The following MTMR8 variants were observed in gnomAD, a reference collection of about 807,000 sequenced individuals.
The protein encoded by MTMR8 is phosphatidylinositol-3,5-bisphosphate 3-phosphatase MTMR8.
MTMR8 carries 65 observed loss-of-function variants against 39.3 expected under a neutral mutation model. That is an observed-to-expected ratio of 1.65 (90% confidence interval 1.35 to 2.03). The LOEUF (loss-of-function observed/expected upper bound fraction) is 2.03, where lower values mean the gene tolerates loss of function less well. MTMR8 is among the 30% of genes most tolerant of loss of function. The probability of loss-of-function intolerance (pLI) is 0.00; values close to 1 mark genes in which losing one functional copy is unlikely to be tolerated. For synonymous variants in MTMR8, 245 were observed against 185.2 expected, an observed-to-expected ratio of 1.32 and a Z score of -2.62; for missense variants, 777 against 538.9, an observed-to-expected ratio of 1.44 and a Z score of -4.37.
At chrX:64,389,984 G>A (rs1324982839) in intron 1 of MTMR8, among the ~76,000 whole-genome samples, 1 of 111,992 alleles carries the variant, frequency 8.9e-6, no homozygotes, top group Non-Finnish European at 1.9e-5. Flanking sequence ...TGGAAGGGGA[G>A]CACAATTCTC....
intron 1 of MTMR8, among the ~76,000 whole-genome samples, chrX:64,361,014 A>G (rs1213816672): frequency 8.9e-6 from 1 of 111,800 alleles, no homozygotes; most frequent in East Asian, 2.8e-4. Context: ...ATTATTTCAA[A>G]AGGTTAATAG....
At chrX:64,383,328 A>G (rs1197321216) in intron 1 of MTMR8, among the ~76,000 whole-genome samples, 1 of 109,904 alleles carries the variant, frequency 9.1e-6, no homozygotes, top group African/African-American at 3.3e-5. Flanking sequence ...ATAGCTACAG[A>G]TATATTTTAA....
intron 6 of MTMR8, among the ~76,000 whole-genome samples, chrX:64,345,617 T>G (rs888738701): frequency 9.0e-5 from 10 of 111,376 alleles, no homozygotes; most frequent in Non-Finnish European, 1.7e-4. Flanking sequence ...TTAATTTTAT[T>G]TATTTATTTA....
intron 12 of MTMR8, among the ~76,000 whole-genome samples, chrX:64,287,546 C>T (rs999349271): frequency 5.9e-4 from 66 of 111,109 alleles, no homozygotes; most frequent in Middle Eastern, 4.7e-3. Context: ...GGAGGCATCA[C>T]GCTACCTGAC....
At chrX:64,353,319 G>A (rs751896959) in intron 4 of MTMR8, among the ~76,000 whole-genome samples, 1 of 111,865 alleles carries the variant, frequency 8.9e-6, no homozygotes, top group African/African-American at 3.2e-5. Context: ...CCACAGAATA[G>A]GAGAAAATAT....
chrX:64,337,133 G>T, intron 9 of MTMR8, 135 bp downstream of exon 9: 1 of 617,402 alleles, frequency 1.6e-6, no homozygotes, highest in Non-Finnish European at 2.5e-6. Context: ...TTAATGAAAA[G>T]AAGCTAAATT....
intron 1 of MTMR8, among the ~76,000 whole-genome samples, chrX:64,387,867 G>T (rs1309735071): frequency 6.4e-5 from 7 of 109,480 alleles, no homozygotes; most frequent in African/African-American, 2.3e-4. Context: ...AGAGAAAGAT[G>T]AAAAAAGAGA....
intron 12 of MTMR8, among the ~76,000 whole-genome samples, chrX:64,273,396 T>C (rs1317672158): frequency 9.3e-6 from 1 of 107,433 alleles, no homozygotes; most frequent in Non-Finnish European, 1.9e-5. Context: ...GTAAGCCCCA[T>C]TGTAGTTACA....
In MTMR8 at chrX:64,337,830, G is replaced by T. The variant is rs1054336842; in HGVS notation, c.976-437C>A. Among the ~76,000 whole-genome samples the T allele has an allele frequency of 3.6e-5, 4 of 111,536 alleles. No homozygotes were observed. The Admixed American group carries it at 3.8e-4, about 11-fold the overall frequency. ...CAAATGCTTTCAACTTAAGATGGAG[G>T]TGCTTGCCTGTCTTAGGTCGCTTTA... On this transcript the variant is annotated intron_variant, in intron 8 of 13. Coordinates refer to ENST00000374852, the MANE Select transcript of MTMR8 (RefSeq NM_017677.4).
intron 12 of MTMR8, among the ~76,000 whole-genome samples, 197 bp downstream of exon 12, chrX:64,328,575 G>A (rs1922858110): frequency 9.0e-6 from 1 of 111,520 alleles, no homozygotes; most frequent in African/African-American, 3.3e-5. Flanking sequence ...TCCCTAAGCA[G>A]GTAACAGCAA....
Position 64,268,696 on chromosome X carries a change from T to G in MTMR8, c.1956A>C (p.Leu652Phe), listed in dbSNP as rs768128117. ...TFEATGFSKDLGICGAMDISE... is the reference protein window; with the variant it reads ...TFEATGFSKDFGICGAMDISE... The stretch of plus-strand genomic sequence containing the variant: ...AGATGTCCATGGCCCCACAGATTCC[T>G]AAGTCTTTGGAGAAGCCCGTAGCCT... Residue 652 changes from leucine (L) to phenylalanine (F), a missense_variant, in exon 14 of 14, where the codon TTA (leucine) becomes TTC (phenylalanine). Coordinates refer to ENST00000374852, the MANE Select transcript of MTMR8 (RefSeq NM_017677.4). The G allele has an allele frequency of 8.3e-7, 1 of 1,211,597 alleles. No individual in the cohort carries two copies. Among genetic ancestry groups the G allele is most frequent in the Non-Finnish European group, 1.1e-6 (1 of 895,507 alleles).
intron 1 of MTMR8, among the ~76,000 whole-genome samples, chrX:64,366,333 CA>C (rs914302108): frequency 9.0e-6 from 1 of 111,604 alleles, no homozygotes; most frequent in African/African-American, 3.3e-5. Flanking sequence ...GCACTTATTC[CA>C]AAATTGACCA....
At chrX:64,389,690 G>T (rs1006012469) in intron 1 of MTMR8, among the ~76,000 whole-genome samples, 18 of 111,597 alleles carry the variant, frequency 1.6e-4, no homozygotes, top group African/African-American at 5.5e-4. Flanking sequence ...CATGACTAAT[G>T]TATACTAAAG....
intron 12 of MTMR8, among the ~76,000 whole-genome samples, chrX:64,310,805 C>T (rs1361969970): frequency 9.0e-6 from 1 of 111,337 alleles, no homozygotes; most frequent in Non-Finnish European, 1.9e-5. Context: ...CCAGCTTCAT[C>T]CATGTCCCTG....
In MTMR8 at chrX:64,358,880, T is replaced by C. The variant is rs767564914; in HGVS notation, c.147+525A>G. Among the ~76,000 whole-genome samples the C allele has an allele frequency of 2.8e-4, 24 of 84,961 alleles. 1 individual carries two copies. Among genetic ancestry groups the C allele is most frequent in the African/African-American group, 1.3e-3 (15 of 11,276 alleles). The allele number at this position is 84,961 out of a possible 115,157, so 73.8% of individuals were successfully genotyped here. A position where few individuals can be genotyped will look rare whatever the true frequency, so the allele number is the denominator to read the frequency against. ...ACACACACACACACACACACACACA[T>C]ATATATATACCCAGGTAAAATCCTG... On this transcript the variant is annotated intron_variant, in intron 2 of 13. Coordinates refer to ENST00000374852, the MANE Select transcript of MTMR8 (RefSeq NM_017677.4).
chrX:64,288,410 T>A (rs992634497), intron 12 of MTMR8, among the ~76,000 whole-genome samples: 7 of 111,446 alleles, frequency 6.3e-5, no homozygotes, highest in Middle Eastern at 4.6e-3. Context: ...ACACTTTTAC[T>A]CTGTTGGTGG....
chrX:64,310,013 C>A lies in MTMR8; in HGVS notation c.1481+18759G>T, dbSNP rs780352799. Among the ~76,000 whole-genome samples the A allele has an allele frequency of 2.7e-5, 3 of 110,805 alleles. No homozygotes were observed. The South Asian group carries it at 1.2e-3, about 43-fold the overall frequency. The stretch of plus-strand genomic sequence containing the variant: ...GCTGTGGTAATGTCTTAAAATATGA[C>A]AACAATGAAGTGTGCCACATCGATG... On this transcript the variant is annotated intron_variant, in intron 12 of 13. Transcript: ENST00000374852.
intron 12 of MTMR8, among the ~76,000 whole-genome samples, chrX:64,285,512 G>A (rs1921131757): frequency 9.0e-6 from 1 of 111,551 alleles, no homozygotes; most frequent in African/African-American, 3.3e-5. Context: ...CAAATCAACA[G>A]AATATACATT....
chrX:64,395,445 C>A lies in MTMR8; in HGVS notation c.-82G>T. 9.5e-7 allele frequency: 1 copy of A among 1,048,226 alleles called. No individual in the cohort carries two copies. Among genetic ancestry groups the A allele is most frequent in the South Asian group, 1.9e-5 (1 of 52,265 alleles). 86.4% of individuals were successfully genotyped at this position (1,048,226 alleles called of 1,213,427 possible). A position where few individuals can be genotyped will look rare whatever the true frequency, so the allele number is the denominator to read the frequency against. On this transcript the variant is annotated 5_prime_UTR_variant, in exon 1 of 14. Transcript: ENST00000374852. Reference sequence around the variant, plus strand: ...GGTCTAGCCGCCTCCTGCCTCAACCCGGGTTTCTACCCCCGCCCTCCCGGT... The same window carrying A: ...GGTCTAGCCGCCTCCTGCCTCAACCAGGGTTTCTACCCCCGCCCTCCCGGT...
Sources: gnomAD v4.1 joint callset for allele counts (sites outside exome capture counted in the v4.1 genomes callset) on GRCh38, gnomAD v4.1.1 for gene constraint, MANE v1.5 for transcripts, NCBI Gene and HGNC (gene_info 2026-07-23, HGNC 2026-07-21) for gene names.